Variants in VEZT observed in about 807,000 individuals in gnomAD.
The protein encoded by VEZT is vezatin, adherens junctions transmembrane protein.
In VEZT, 39 loss-of-function variants were observed where a neutral mutation model predicts 79.9. The ratio of observed to expected loss-of-function variants is 0.49; its 90% CI spans 0.38 to 0.64. VEZT has a LOEUF of 0.64. Ranked by LOEUF, VEZT falls within the 30% of genes least tolerant of loss-of-function variation. The pLI is 0.00. For missense variants in VEZT, 837 were observed against 893.1 expected, an observed-to-expected ratio of 0.94 and a Z score of 0.80; for synonymous variants, 325 against 327.6, an observed-to-expected ratio of 0.99 and a Z score of 0.09.
intron 1 of VEZT, chr12:95,244,115 G>A (rs1215938149): frequency 7.6e-6 from 3 of 396,754 alleles, no homozygotes; most frequent in Non-Finnish European, 1.5e-5. Context: ...GATAACTCTG[G>A]CCAGGCACAG....
At chr12:95,295,585 C>T (rs2073959921) in intron 10 of VEZT, among the ~76,000 whole-genome samples, 1 of 152,170 alleles carries the variant, frequency 6.6e-6, no homozygotes, top group African/African-American at 2.4e-5. Flanking sequence ...AAGCATCCTA[C>T]CCTCTCTGTC....
At chr12:95,254,806 GA>G (rs1483287677) in intron 2 of VEZT, among the ~76,000 whole-genome samples, 2 of 152,170 alleles carry the variant, frequency 1.3e-5, no homozygotes, top group East Asian at 3.8e-4. Flanking sequence ...AGTTCTTAAT[GA>G]AACCATCCTT....
chr12:95,292,258 T>G (rs1339412576), intron 9 of VEZT, among the ~76,000 whole-genome samples: 1 of 152,226 alleles, frequency 6.6e-6, no homozygotes, highest in African/African-American at 2.4e-5. Context: ...CAGGAAGTGC[T>G]GCAAATTGGG....
chr12:95,289,068 C>T (rs919097861), intron 9 of VEZT, among the ~76,000 whole-genome samples: 10 of 144,562 alleles, frequency 6.9e-5, no homozygotes, highest in East Asian at 2.0e-4. Flanking sequence ...GGCAACAGAG[C>T]GAGACTCCGT....
At chr12:95,230,302 G>GACAGAATAT (rs1161355444) in intron 1 of VEZT, among the ~76,000 whole-genome samples, 2 of 152,074 alleles carry the variant, frequency 1.3e-5, no homozygotes, top group Non-Finnish European at 2.9e-5. Flanking sequence ...TTATGTAGTT[G>GACAGAATAT]ACAGAATATA....
intron 3 of VEZT, among the ~76,000 whole-genome samples, chr12:95,259,378 A>G (rs2063998292): frequency 1.3e-5 from 2 of 152,104 alleles, no homozygotes; most frequent in Non-Finnish European, 2.9e-5. Context: ...TGTTTCAGTT[A>G]TTGCATAGAT....
In VEZT at chr12:95,274,800, A is replaced by G. The variant is rs1173081077; in HGVS notation, c.907A>G (p.Lys303Glu). 6.2e-7 allele frequency: 1 copy of G among 1,613,792 alleles called. No homozygotes were observed. Among genetic ancestry groups the G allele is most frequent in the Non-Finnish European group, 8.5e-7 (1 of 1,179,840 alleles). The stretch of plus-strand genomic sequence containing the variant: ...CAACTACATCTGTGTGGTGCCTTTT[A>G]AAGAGCTGGGCCTTGGACTTAGTGA... ...VTNYICVVPF[K>E]ELGLGLSEEQ... The change falls in exon 7 of 12, where the codon AAA becomes GAA. Residue 303 changes from lysine (K) to glutamate (E), a missense_variant. Transcript: ENST00000436874.
At chr12:95,236,393 G>C (rs1228340598) in intron 1 of VEZT, among the ~76,000 whole-genome samples, 1 of 152,112 alleles carries the variant, frequency 6.6e-6, no homozygotes, top group Non-Finnish European at 1.5e-5. Context: ...GCTTCGGCTC[G>C]GCATCAGAGG....
chr12:95,255,732 T>G lies in VEZT; in HGVS notation c.169-1418T>G. 2.0e-5 allele frequency among the ~76,000 whole-genome samples: 3 copies of G among 152,060 alleles called. No individual in the cohort carries two copies. The South Asian group carries it at 6.2e-4, about 32-fold the overall frequency. On this transcript the variant is annotated intron_variant, in intron 2 of 11. Coordinates refer to ENST00000436874, the MANE Select transcript of VEZT (RefSeq NM_017599.4). ...AGGCGGGAGCCACCGCCCCCGGCCT[T>G]GAATATCCTTTTAATCATGCTTCTT...
chr12:95,271,552 G>A (rs2066599268), intron 6 of VEZT, among the ~76,000 whole-genome samples: 1 of 152,196 alleles, frequency 6.6e-6, no homozygotes, highest in Admixed American at 6.5e-5. Flanking sequence ...CTGCATTCCA[G>A]ATAGAAGGAA....
intron 2 of VEZT, 139 bp downstream of exon 2, chr12:95,252,210 G>T: frequency 1.2e-6 from 1 of 869,302 alleles, no homozygotes; most frequent in East Asian, 3.1e-5. Flanking sequence ...AAAACTTTCT[G>T]TTAGATAAAC....
intron 7 of VEZT, among the ~76,000 whole-genome samples, chr12:95,280,463 TATGTG>T: frequency 8.1e-6 from 1 of 123,932 alleles, no homozygotes. Context: ...CCCCCTTTCA[TATGTG>T]TACACACACA....
chr12:95,294,619 T>A (rs1007403407), intron 10 of VEZT, among the ~76,000 whole-genome samples: 1 of 152,202 alleles, frequency 6.6e-6, no homozygotes, highest in African/African-American at 2.4e-5. Context: ...CCTTTTGGGA[T>A]GCTGGAAATG....
intron 1 of VEZT, among the ~76,000 whole-genome samples, chr12:95,226,929 C>CT (rs35921723): frequency 0.29 from 44,500 of 152,026 alleles, 7,570 homozygotes; most frequent in African/African-American, 0.48. Flanking sequence ...TCATTCTACT[C>CT]TAAGAGGCTG....
chr12:95,248,636 G>A (rs1180726915), intron 1 of VEZT, among the ~76,000 whole-genome samples: 4 of 152,046 alleles, frequency 2.6e-5, no homozygotes, highest in African/African-American at 9.7e-5. Context: ...GACTCTCTAA[G>A]TCTCTTGCCA....
chr12:95,225,053 G>A (rs143752597), intron 1 of VEZT, among the ~76,000 whole-genome samples: 43 of 152,286 alleles, frequency 2.8e-4, no homozygotes, highest in African/African-American at 9.9e-4. Flanking sequence ...TGCTGGCCTC[G>A]GGCTGTATTC....
chr12:95,258,982 A>G (rs2063907926), intron 3 of VEZT, among the ~76,000 whole-genome samples: 1 of 152,134 alleles, frequency 6.6e-6, no homozygotes, highest in Admixed American at 6.5e-5. Flanking sequence ...CCACTTCCCT[A>G]TTTAGATCCT....
chr12:95,240,843 A>AT (rs907481596), intron 1 of VEZT, among the ~76,000 whole-genome samples: 8 of 151,724 alleles, frequency 5.3e-5, no homozygotes, highest in East Asian at 3.9e-4. Flanking sequence ...TTTTTTTGTG[A>AT]TTTTTTCAAT....
intron 1 of VEZT, among the ~76,000 whole-genome samples, chr12:95,244,590 CTT>C (rs370661900): frequency 6.9e-6 from 1 of 144,158 alleles, no homozygotes; most frequent in African/African-American, 2.5e-5. Context: ...CCTCTTGCCT[CTT>C]TTTTTTTTTT....
Sources: gnomAD v4.1 joint callset for allele counts (sites outside exome capture counted in the v4.1 genomes callset) on GRCh38, gnomAD v4.1.1 for gene constraint, MANE v1.5 for transcripts, NCBI Gene and HGNC (gene_info 2026-07-23, HGNC 2026-07-21) for gene names.